MATCAP2: variants seen among roughly 807,000 people sequenced by gnomAD.
MATCAP2 encodes microtubule associated tyrosine carboxypeptidase 2.
chr7:36,365,958 C>T, the MATCAP2 span, among the ~76,000 whole-genome samples: 1 of 152,204 alleles, frequency 6.6e-6, no homozygotes, highest in Non-Finnish European at 1.5e-5. Context: ...CTGCACAAAT[C>T]TACTCCGTAT....
chr7:36,354,560 T>C, the MATCAP2 span, among the ~76,000 whole-genome samples: 3 of 152,222 alleles, frequency 2.0e-5, no homozygotes, highest in Non-Finnish European at 4.4e-5. Context: ...TTGGGTATCA[T>C]GTTTCTGAGT....
chr7:36,335,269 A>G, the MATCAP2 span: 11 of 1,201,416 alleles, frequency 9.2e-6, no homozygotes, highest in Non-Finnish European at 1.1e-5. Flanking sequence ...CCTGTAAATT[A>G]ACACTGTTTT....
the MATCAP2 span, among the ~76,000 whole-genome samples, chr7:36,329,566 A>G: frequency 6.6e-6 from 1 of 152,254 alleles, no homozygotes; most frequent in Non-Finnish European, 1.5e-5. Context: ...GAAAACATGG[A>G]GACATGTTTA....
the MATCAP2 span, chr7:36,326,833 C>T: frequency 5.0e-6 from 8 of 1,614,030 alleles, no homozygotes; most frequent in African/African-American, 8.0e-5. Flanking sequence ...TTCCATATAT[C>T]GGCCATGGTC....
At chr7:36,356,876 C>A in the MATCAP2 span, 1 of 1,561,060 alleles carries the variant, frequency 6.4e-7, no homozygotes, top group Non-Finnish European at 8.8e-7. Context: ...TAAAAATGAA[C>A]TACCACTATT....
chr7:36,354,170 A>G, the MATCAP2 span, among the ~76,000 whole-genome samples: 1 of 152,244 alleles, frequency 6.6e-6, no homozygotes, highest in Non-Finnish European at 1.5e-5. Flanking sequence ...GCCAGGGCTC[A>G]GCAGGCTACA....
At chr7:36,350,821 G>A in the MATCAP2 span, among the ~76,000 whole-genome samples, 2 of 152,154 alleles carry the variant, frequency 1.3e-5, no homozygotes, top group East Asian at 1.9e-4. Flanking sequence ...GGGTATCAAT[G>A]TTTACAAACT....
the MATCAP2 span, among the ~76,000 whole-genome samples, chr7:36,367,459 G>T: frequency 6.6e-6 from 1 of 152,152 alleles, no homozygotes; most frequent in African/African-American, 2.4e-5. Flanking sequence ...TTTCAGAGAC[G>T]TTTGTACCCG....
At chr7:36,359,898 A>G in the MATCAP2 span, among the ~76,000 whole-genome samples, 1 of 152,182 alleles carries the variant, frequency 6.6e-6, no homozygotes, top group Non-Finnish European at 1.5e-5. Context: ...AGGAGACAAG[A>G]GGTGATAATG....
At chr7:36,383,514 G>A in the MATCAP2 span, among the ~76,000 whole-genome samples, 1 of 152,152 alleles carries the variant, frequency 6.6e-6, no homozygotes, top group African/African-American at 2.4e-5. Flanking sequence ...TCCTTTGCAG[G>A]GACATGGATG....
At chr7:36,364,984 A>G in the MATCAP2 span, among the ~76,000 whole-genome samples, 1 of 152,168 alleles carries the variant, frequency 6.6e-6, no homozygotes, top group African/African-American at 2.4e-5. Flanking sequence ...GCAAACATAC[A>G]GGGTTGGATT....
chr7:36,382,566 C>T, the MATCAP2 span, among the ~76,000 whole-genome samples: 1 of 151,980 alleles, frequency 6.6e-6, no homozygotes, highest in African/African-American at 2.4e-5. Context: ...GATCTCGGCT[C>T]ACTGCAAGCT....
chr7:36,374,123 A>T, the MATCAP2 span, among the ~76,000 whole-genome samples: 8 of 152,074 alleles, frequency 5.3e-5, no homozygotes, highest in Non-Finnish European at 1.0e-4. Context: ...TCTGTCACCC[A>T]GGCTGAGTGT....
the MATCAP2 span, among the ~76,000 whole-genome samples, chr7:36,328,047 A>G: frequency 6.6e-6 from 1 of 152,160 alleles, no homozygotes; most frequent in Non-Finnish European, 1.5e-5. Context: ...TGAAGCTTTT[A>G]AAGTTCTATA....
At chr7:36,347,648 G>A in the MATCAP2 span, among the ~76,000 whole-genome samples, 1 of 152,220 alleles carries the variant, frequency 6.6e-6, no homozygotes, top group African/African-American at 2.4e-5. Context: ...GGCTGTGAAT[G>A]TGCTTATTTC....
the MATCAP2 span, chr7:36,366,841 A>T: frequency 6.6e-7 from 1 of 1,514,546 alleles, no homozygotes; most frequent in South Asian, 1.2e-5. Flanking sequence ...GGTGGCTACC[A>T]TTACCTGAGC....
chr7:36,345,582 T>C, the MATCAP2 span, among the ~76,000 whole-genome samples: 1 of 152,224 alleles, frequency 6.6e-6, no homozygotes, highest in Non-Finnish European at 1.5e-5. Flanking sequence ...TATTCTCCTC[T>C]ATTAAAATTA....
chr7:36,357,696 T>C, the MATCAP2 span: 4 of 841,514 alleles, frequency 4.8e-6, no homozygotes, highest in South Asian at 7.8e-5. Context: ...CTTCGTAATT[T>C]TGCAGTAATC....
the MATCAP2 span, chr7:36,367,132 C>T: frequency 4.9e-6 from 6 of 1,225,458 alleles, no homozygotes; most frequent in Non-Finnish European, 6.1e-6. Context: ...GTGAGCAGCG[C>T]TTCCACCAGC....
Sources: allele counts gnomAD v4.1 joint callset (sites outside exome capture counted in the v4.1 genomes callset), GRCh38; gene constraint gnomAD v4.1.1; transcripts MANE v1.5; gene names NCBI Gene and HGNC (gene_info 2026-07-23, HGNC 2026-07-21).